The following DNAJC5B variants were observed in gnomAD, a reference collection of about 807,000 sequenced individuals.
DNAJC5B encodes the protein DnaJ heat shock protein family (Hsp40) member C5 beta, also known as dnaJ homolog subfamily C member 5B.
A neutral mutation model predicts 24.7 loss-of-function variants in DNAJC5B; 23 were observed. The observed-to-expected ratio is 0.93, with a 90% confidence interval of 0.67 to 1.32. The LOEUF is 1.32. Ranked by LOEUF, DNAJC5B falls within the 40% of genes most tolerant of loss-of-function variation. The pLI, the probability that DNAJC5B is intolerant of heterozygous loss-of-function variation, is 0.00. For missense variants in DNAJC5B, 238 were observed against 240.8 expected, an observed-to-expected ratio of 0.99 and a Z score of 0.08; for synonymous variants, 101 against 90.1, an observed-to-expected ratio of 1.12 and a Z score of -0.68.
intron 2 of DNAJC5B, 141 bp downstream of exon 2, chr8:66,043,752 C>T (rs1183804493): frequency 6.6e-6 from 1 of 151,560 alleles, no homozygotes; most frequent in Non-Finnish European, 1.5e-5. Flanking sequence ...CTGTGGTTTA[C>T]TAGTAACATT....
At chr8:66,090,771 G>T (rs1298900009) in intron 5 of DNAJC5B, among the ~76,000 whole-genome samples, 1 of 152,044 alleles carries the variant, frequency 6.6e-6, no homozygotes, top group Non-Finnish European at 1.5e-5. Context: ...CCAGGAAAAA[G>T]GCACCAAGGA....
chr8:66,040,234 C>A (rs1217373191), intron 1 of DNAJC5B, among the ~76,000 whole-genome samples: 2 of 151,910 alleles, frequency 1.3e-5, no homozygotes, highest in East Asian at 1.9e-4. Context: ...TATTAAAATA[C>A]AAAAAATTAG....
At chr8:66,081,551 A>G (rs778984022) in intron 5 of DNAJC5B, among the ~76,000 whole-genome samples, 2 of 152,192 alleles carry the variant, frequency 1.3e-5, no homozygotes, top group African/African-American at 4.8e-5. Context: ...TGAAAAGGAA[A>G]TTCCAGGTTG....
intron 5 of DNAJC5B, among the ~76,000 whole-genome samples, chr8:66,082,754 A>G (rs1038947038): frequency 2.6e-5 from 4 of 152,290 alleles, no homozygotes; most frequent in African/African-American, 7.2e-5. Context: ...CTCTTTAAGA[A>G]AAAGAACACA....
Position 66,062,774 on chromosome 8 carries a change from C to T in DNAJC5B, c.119+11108C>T, listed in dbSNP as rs150159520. Among the ~76,000 whole-genome samples, 67 of 152,286 alleles carry T rather than the reference C, an allele frequency of 4.4e-4. 1 individual carries two copies. The highest frequency in any genetic ancestry group is 6.8e-3 in the Middle Eastern group (2 of 294). ...CCCAGGAGTTTGAGGCTGCAGTGAG[C>T]TATAATCATGCCACTGCACACCAGC... On this transcript the variant is annotated intron_variant, in intron 3 of 5. Coordinates refer to ENST00000276570, the MANE Select transcript of DNAJC5B (RefSeq NM_033105.6).
intron 3 of DNAJC5B, among the ~76,000 whole-genome samples, chr8:66,054,360 A>G (rs1208781764): frequency 6.6e-6 from 1 of 152,194 alleles, no homozygotes; most frequent in Non-Finnish European, 1.5e-5. Context: ...CAATTACAAC[A>G]CTATAAAAAT....
At chr8:66,030,552 C>G (rs957616178) in intron 1 of DNAJC5B, among the ~76,000 whole-genome samples, 3 of 152,236 alleles carry the variant, frequency 2.0e-5, no homozygotes, top group African/African-American at 7.2e-5. Flanking sequence ...CCTTCCTCTA[C>G]TGGTAAGCCC....
At chr8:66,070,067 A>G (rs1273187901) in intron 3 of DNAJC5B, among the ~76,000 whole-genome samples, 1 of 152,204 alleles carries the variant, frequency 6.6e-6, no homozygotes, top group Non-Finnish European at 1.5e-5. Flanking sequence ...TGTCAAGATA[A>G]TAAGAGCTAT....
intron 3 of DNAJC5B, among the ~76,000 whole-genome samples, chr8:66,072,129 C>A (rs946477331): frequency 1.3e-5 from 2 of 152,036 alleles, no homozygotes; most frequent in Non-Finnish European, 2.9e-5. Context: ...AGCAAACCAC[C>A]ATGGCACGTG....
intron 5 of DNAJC5B, among the ~76,000 whole-genome samples, chr8:66,089,581 T>C (rs1807801445): frequency 6.6e-6 from 1 of 152,246 alleles, no homozygotes; most frequent in South Asian, 2.1e-4. Flanking sequence ...TATTATTATG[T>C]GCATATTCAA....
intron 3 of DNAJC5B, among the ~76,000 whole-genome samples, chr8:66,058,573 A>G (rs549675716): frequency 6.6e-6 from 1 of 152,336 alleles, no homozygotes; most frequent in South Asian, 2.1e-4. Context: ...TCTCTAAAAA[A>G]GGGGACAAAG....
intron 5 of DNAJC5B, 135 bp downstream of exon 5, chr8:66,080,683 C>A: frequency 1.4e-6 from 1 of 724,936 alleles, no homozygotes; most frequent in Non-Finnish European, 2.2e-6. Flanking sequence ...AGACTGTCAG[C>A]TTTGGTACAG....
intron 5 of DNAJC5B, 21 bp from the exon 6 acceptor site, chr8:66,099,916 C>T (rs1808036684): frequency 1.9e-6 from 3 of 1,606,912 alleles, no homozygotes; most frequent in South Asian, 2.2e-5. Context: ...GTGTTTATTG[C>T]TTTGCTTTGT....
chr8:66,028,981 C>G (rs1269622617), intron 1 of DNAJC5B, among the ~76,000 whole-genome samples: 1 of 152,216 alleles, frequency 6.6e-6, no homozygotes, highest in Non-Finnish European at 1.5e-5. Flanking sequence ...TTCCCCACCT[C>G]TTATGCACCA....
intron 1 of DNAJC5B, among the ~76,000 whole-genome samples, chr8:66,034,584 G>T (rs552249016): frequency 6.6e-6 from 1 of 151,976 alleles, no homozygotes; most frequent in Admixed American, 6.6e-5. Context: ...GCAGTGGTGG[G>T]CAGAAAGGCA....
At chr8:66,055,142 A>G (rs1414967162) in intron 3 of DNAJC5B, among the ~76,000 whole-genome samples, 1 of 152,194 alleles carries the variant, frequency 6.6e-6, no homozygotes, top group Admixed American at 6.5e-5. Context: ...AAGTCTATTC[A>G]TGTAATTAGT....
At chr8:66,052,498 AT>A (rs1806873969) in intron 3 of DNAJC5B, among the ~76,000 whole-genome samples, 1 of 152,226 alleles carries the variant, frequency 6.6e-6, no homozygotes, top group Non-Finnish European at 1.5e-5. Flanking sequence ...ACCCAAACAT[AT>A]GAGAGAAGCT....
chr8:66,076,170 A>G (rs1434839448), intron 3 of DNAJC5B, among the ~76,000 whole-genome samples: 1 of 152,244 alleles, frequency 6.6e-6, no homozygotes, highest in African/African-American at 2.4e-5. Flanking sequence ...CTTGTGGAAG[A>G]TTAATGAAGG....
chr8:66,099,023 G>GTC (rs766182470), intron 5 of DNAJC5B, among the ~76,000 whole-genome samples: 50 of 136,218 alleles, frequency 3.7e-4, no homozygotes, highest in Middle Eastern at 3.5e-3. Context: ...CTAATTCTCT[G>GTC]TCTCTCTCTC....
Sources: gnomAD v4.1 joint callset for allele counts (sites outside exome capture counted in the v4.1 genomes callset) on GRCh38, gnomAD v4.1.1 for gene constraint, MANE v1.5 for transcripts, NCBI Gene and HGNC (gene_info 2026-07-23, HGNC 2026-07-21) for gene names.